The following RASSF3 variants were observed in gnomAD, a reference collection of about 807,000 sequenced individuals.
RASSF3 encodes ras association domain-containing protein 3.
In RASSF3, 19 loss-of-function variants were observed where a neutral mutation model predicts 19.9. The ratio of observed to expected loss-of-function variants is 0.96; its 90% CI spans 0.67 to 1.40. The LOEUF (loss-of-function observed/expected upper bound fraction) is 1.40. RASSF3 is among the 40% of genes most tolerant of loss of function. The pLI, the probability that RASSF3 is intolerant of heterozygous loss-of-function variation, is 0.00. For synonymous variants in RASSF3, 110 were observed against 104.2 expected (o/e 1.06, Z -0.34); for missense variants, 306 against 289.8 (o/e 1.06, Z -0.41).
intron 1 of RASSF3, among the ~76,000 whole-genome samples, chr12:64,521,706 T>G (rs1868483310): frequency 6.6e-6 from 1 of 152,214 alleles, no homozygotes; most frequent in Non-Finnish European, 1.5e-5. Context: ...ATTTATTGGA[T>G]GGCTGCTCTA....
At chr12:64,564,388 CT>C (rs34096060) in intron 2 of RASSF3, among the ~76,000 whole-genome samples, 166 of 148,564 alleles carry the variant, frequency 1.1e-3, no homozygotes, top group African/African-American at 3.7e-3. Context: ...TCTTTTCTTT[CT>C]TTTTTTTTTT....
intron 2 of RASSF3, 141 bp from the exon 3 acceptor site, chr12:64,688,075 C>A: frequency 1.4e-6 from 1 of 719,580 alleles, no homozygotes; most frequent in East Asian, 2.5e-5. Context: ...CCTTTGGGGG[C>A]AATCTTTAGT....
chr12:64,579,150 T>C (rs1297022485), intron 2 of RASSF3, among the ~76,000 whole-genome samples: 2 of 151,996 alleles, frequency 1.3e-5, no homozygotes, highest in African/African-American at 4.8e-5. Flanking sequence ...AATGCCTTTT[T>C]GATGGGGTAC....
chr12:64,693,111 C>T (rs996813668), intron 4 of RASSF3, among the ~76,000 whole-genome samples: 3 of 147,982 alleles, frequency 2.0e-5, no homozygotes, highest in Non-Finnish European at 3.0e-5. Flanking sequence ...AATATTCTAA[C>T]GTAGAAGTTT....
intron 3 of RASSF3, 100 bp downstream of exon 3, chr12:64,688,553 G>T: frequency 1.2e-6 from 1 of 826,614 alleles, no homozygotes; most frequent in Non-Finnish European, 2.0e-6. Flanking sequence ...CATGTCAGTT[G>T]TGTCAGAGCC....
intron 1 of RASSF3, among the ~76,000 whole-genome samples, chr12:64,676,079 A>T (rs991183686): frequency 6.6e-6 from 1 of 152,058 alleles, no homozygotes; most frequent in African/African-American, 2.4e-5. Context: ...ACACTGCAGC[A>T]AGCAGCACAC....
At chr12:64,535,983 A>C (rs1868816448) in intron 1 of RASSF3, among the ~76,000 whole-genome samples, 1 of 139,662 alleles carries the variant, frequency 7.2e-6, no homozygotes, top group African/African-American at 2.7e-5. Flanking sequence ...CACCGCACCC[A>C]GCCTGTTTTC....
At chr12:64,607,932 T>G (rs970055745), upstream of RASSF3, among the ~76,000 whole-genome samples, 2 of 151,746 alleles carry the variant, frequency 1.3e-5, no homozygotes, top group African/African-American at 2.4e-5. Flanking sequence ...TTTTTTTTTG[T>G]TTTTTGTTTT....
intron 1 of RASSF3, among the ~76,000 whole-genome samples, chr12:64,626,145 A>T (rs1209706283): frequency 6.6e-6 from 1 of 152,106 alleles, no homozygotes; most frequent in Admixed American, 6.6e-5. Context: ...CTGTAGTGTT[A>T]TTGATATATT....
At chr12:64,625,610 T>C (rs1173918037) in intron 1 of RASSF3, among the ~76,000 whole-genome samples, 1 of 152,146 alleles carries the variant, frequency 6.6e-6, no homozygotes, top group Non-Finnish European at 1.5e-5. Flanking sequence ...TTTAGGAACT[T>C]AGTCACTGTC....
chr12:64,680,986 A>G (rs757393199), intron 1 of RASSF3, among the ~76,000 whole-genome samples: 2 of 152,118 alleles, frequency 1.3e-5, no homozygotes, highest in Non-Finnish European at 2.9e-5. Flanking sequence ...CTATGTGTGG[A>G]TGATCCAGGG....
intron 2 of RASSF3, among the ~76,000 whole-genome samples, chr12:64,582,698 T>A (rs987331363): frequency 1.3e-5 from 2 of 152,080 alleles, no homozygotes; most frequent in African/African-American, 4.8e-5. Context: ...ACACCCACCC[T>A]CGAGCTGGCT....
chr12:64,600,143 A>C (rs1199408583), intron 2 of RASSF3, among the ~76,000 whole-genome samples: 1 of 152,040 alleles, frequency 6.6e-6, no homozygotes, highest in African/African-American at 2.4e-5. Context: ...TCTAGAAAAA[A>C]TATCTCAGAA....
At position 64,576,776 on chromosome 12, in the gene RASSF3, G is replaced by T. The variant is rs914700503; in HGVS notation, c.294+35071G>T. Among the ~76,000 whole-genome samples the T allele has an allele frequency of 2.8e-4, 42 of 151,722 alleles. 1 individual carries two copies. The highest frequency in any genetic ancestry group is 9.9e-4 in the African/African-American group (41 of 41,352). On this transcript the variant is annotated intron_variant, in intron 2 of 5. Transcript: ENST00000637125. ...TGAGGTGGGATGGGAGCCTCAGCCTGGGAGGTTGAGGCTGTAGTGAGCCAT... is the reference window on the plus strand; with the variant it reads ...TGAGGTGGGATGGGAGCCTCAGCCTTGGAGGTTGAGGCTGTAGTGAGCCAT...
chr12:64,669,007 A>G (rs1232812788), intron 1 of RASSF3, among the ~76,000 whole-genome samples: 1 of 152,146 alleles, frequency 6.6e-6, no homozygotes, highest in Non-Finnish European at 1.5e-5. Context: ...ATTGTTCCTA[A>G]GGAAGTCAAG....
chr12:64,553,305 A>G (rs1261728559), intron 2 of RASSF3, among the ~76,000 whole-genome samples: 1 of 152,240 alleles, frequency 6.6e-6, no homozygotes, highest in Non-Finnish European at 1.5e-5. Flanking sequence ...GCAAACAGCT[A>G]TATGTCTAAG....
chr12:64,667,058 A>G (rs1253900170), intron 1 of RASSF3, among the ~76,000 whole-genome samples: 2 of 151,822 alleles, frequency 1.3e-5, no homozygotes, highest in Non-Finnish European at 2.9e-5. Context: ...GGAGCCAGAT[A>G]CGGAGGCTCA....
At chr12:64,662,157 A>ATGT (rs1872390628) in intron 1 of RASSF3, among the ~76,000 whole-genome samples, 1 of 151,532 alleles carries the variant, frequency 6.6e-6, no homozygotes, top group African/African-American at 2.4e-5. Context: ...GGTGGCTAAC[A>ATGT]CCTGTAATCC....
intron 1 of RASSF3, among the ~76,000 whole-genome samples, chr12:64,681,701 A>C (rs1873132985): frequency 1.3e-5 from 2 of 152,202 alleles, no homozygotes; most frequent in Non-Finnish European, 2.9e-5. Context: ...AGACAATCAG[A>C]GATATGATAC....
Sources: gnomAD v4.1 joint callset for allele counts (sites outside exome capture counted in the v4.1 genomes callset) on GRCh38, gnomAD v4.1.1 for gene constraint, MANE v1.5 for transcripts, NCBI Gene and HGNC (gene_info 2026-07-23, HGNC 2026-07-21) for gene names.